The following DPYD variants were observed in gnomAD, a reference collection of about 807,000 sequenced individuals.
DPYD encodes the protein dihydropyrimidine dehydrogenase, also known as dihydropyrimidine dehydrogenase [NADP(+)].
Under a neutral mutation model 116.2 loss-of-function variants are expected in DPYD, and 109 were observed. The ratio of observed to expected loss-of-function variants is 0.94; its 90% CI spans 0.80 to 1.10. The LOEUF is 1.10. DPYD is among the 50% of genes least tolerant of loss of function. The pLI is 0.00. For missense variants in DPYD, 1,302 were observed against 1,254.5 expected (o/e 1.04, Z -0.57); for synonymous variants, 440 against 432.0 (o/e 1.02, Z -0.23).
chr1:97,515,990 C>T (rs1052596431), intron 12 of DPYD, 49 bp from the exon 13 acceptor site: 2 of 1,536,838 alleles, frequency 1.3e-6, no homozygotes, highest in African/African-American at 1.4e-5. Flanking sequence ...CTAAATTGTC[C>T]ATATAATATT....
At chr1:97,676,416 G>T (rs1660147875) in intron 8 of DPYD, among the ~76,000 whole-genome samples, 1 of 152,122 alleles carries the variant, frequency 6.6e-6, no homozygotes, top group African/African-American at 2.4e-5. Context: ...ACTTCTATTA[G>T]CATGAATGTG....
intron 18 of DPYD, among the ~76,000 whole-genome samples, chr1:97,294,137 CG>C (rs1350924770): frequency 7.2e-5 from 11 of 152,064 alleles, no homozygotes; most frequent in Non-Finnish European, 1.5e-4. Context: ...AGTCATCAAC[CG>C]AATGTGCTAA....
At chr1:97,450,982 G>A (rs1347970798) in intron 13 of DPYD, among the ~76,000 whole-genome samples, 4 of 151,996 alleles carry the variant, frequency 2.6e-5, no homozygotes, top group Non-Finnish European at 5.9e-5. Context: ...AACAAAGAAG[G>A]AAAATGTTTC....
At chr1:97,695,441 C>T (rs1048017962) in intron 6 of DPYD, among the ~76,000 whole-genome samples, 8 of 149,704 alleles carry the variant, frequency 5.3e-5, no homozygotes, top group African/African-American at 2.0e-4. Flanking sequence ...CATTTATCCT[C>T]ACTTAACATA....
chr1:97,477,831 A>G (rs1332625620), intron 13 of DPYD, among the ~76,000 whole-genome samples: 1 of 151,924 alleles, frequency 6.6e-6, no homozygotes, highest in African/African-American at 2.4e-5. Context: ...CTTGTTAGCC[A>G]GGATGGTCTC....
In DPYD at chr1:97,841,172, T is replaced by C. The variant is rs570920338; in HGVS notation, c.151-12976A>G. Among the ~76,000 whole-genome samples the C allele has an allele frequency of 5.3e-5, 8 of 152,164 alleles. No individual in the cohort carries two copies. The South Asian group carries it at 1.0e-3, about 20-fold the overall frequency. On this transcript the variant is annotated intron_variant, in intron 2 of 22. Transcript: ENST00000370192. ...CAAAATGCTGCAATGAAAATGAAAT[T>C]TGAAAATTGAATGAAGAGAGTTGAT...
intron 13 of DPYD, among the ~76,000 whole-genome samples, chr1:97,451,841 A>C (rs1326390686): frequency 2.6e-5 from 4 of 152,098 alleles, no homozygotes; most frequent in African/African-American, 7.2e-5. Flanking sequence ...CATACCCTTT[A>C]AACCTTGAGA....
intron 1 of DPYD, among the ~76,000 whole-genome samples, chr1:97,889,714 A>G (rs904302890): frequency 1.3e-5 from 2 of 152,036 alleles, no homozygotes; most frequent in Non-Finnish European, 2.9e-5. Context: ...CAGAAGACCA[A>G]AAAGGAAACA....
intron 14 of DPYD, among the ~76,000 whole-genome samples, chr1:97,421,777 T>TA: frequency 6.6e-6 from 1 of 152,166 alleles, no homozygotes; most frequent in Non-Finnish European, 1.5e-5. Flanking sequence ...CTGAGCATCT[T>TA]AAAGACTATT....
chr1:97,413,483 G>A (rs1674121294), intron 14 of DPYD, among the ~76,000 whole-genome samples: 1 of 152,008 alleles, frequency 6.6e-6, no homozygotes. Context: ...GTTTGTTTGT[G>A]GACTGGTTCT....
intron 3 of DPYD, among the ~76,000 whole-genome samples, chr1:97,776,580 C>T (rs1666418235): frequency 6.6e-6 from 1 of 152,106 alleles, no homozygotes; most frequent in South Asian, 2.1e-4. Flanking sequence ...TTTTTCTATG[C>T]TTTTCAACAT....
chr1:97,735,255 A>G (rs1164268497), intron 4 of DPYD, among the ~76,000 whole-genome samples: 3 of 152,172 alleles, frequency 2.0e-5, no homozygotes, highest in Non-Finnish European at 4.4e-5. Context: ...ATAAAAATTC[A>G]ATGAACATAC....
At chr1:97,485,827 C>T (rs1304779076) in intron 13 of DPYD, among the ~76,000 whole-genome samples, 1 of 152,134 alleles carries the variant, frequency 6.6e-6, no homozygotes, top group Admixed American at 6.5e-5. Flanking sequence ...TTAGTACACT[C>T]ACTTTCTGTC....
intron 3 of DPYD, among the ~76,000 whole-genome samples, chr1:97,751,388 G>A (rs1342356606): frequency 7.3e-6 from 1 of 137,366 alleles, no homozygotes; most frequent in African/African-American, 2.7e-5. Flanking sequence ...ATACATATAT[G>A]TGTGTATATA....
chr1:97,166,613 T>C (rs564190048), intron 20 of DPYD, among the ~76,000 whole-genome samples: 20 of 152,278 alleles, frequency 1.3e-4, no homozygotes, highest in Non-Finnish European at 2.8e-4. Context: ...AAAGCTTAGG[T>C]GTCATACAAA....
chr1:97,587,638 A>G (rs1379905757), intron 10 of DPYD, among the ~76,000 whole-genome samples: 1 of 152,008 alleles, frequency 6.6e-6, no homozygotes, highest in African/African-American at 2.4e-5. Flanking sequence ...CTCCTGGCTA[A>G]CATGGTGAAA....
intron 2 of DPYD, among the ~76,000 whole-genome samples, chr1:97,857,918 G>C (rs1023190922): frequency 6.6e-6 from 1 of 151,886 alleles, no homozygotes; most frequent in Non-Finnish European, 1.5e-5. Flanking sequence ...ACTAGGAAGA[G>C]ACTCAACTGG....
In DPYD at chr1:97,743,672, C is replaced by T. The variant is rs1032434317; in HGVS notation, c.234-3193G>A. ...AGAAATGCATGTCAGAATGTTATTACCTAAATTGCTTTAAATGATTGATAC... is the reference window on the plus strand; with the variant it reads ...AGAAATGCATGTCAGAATGTTATTATCTAAATTGCTTTAAATGATTGATAC... On this transcript the variant is annotated intron_variant, in intron 3 of 22. Transcript: ENST00000370192. Among the ~76,000 whole-genome samples the T allele has an allele frequency of 3.3e-5, 5 of 152,050 alleles. No homozygotes were observed. The East Asian group carries it at 9.6e-4, about 29-fold the overall frequency.
At chr1:97,485,195 T>C (rs1678550887) in intron 13 of DPYD, among the ~76,000 whole-genome samples, 1 of 152,080 alleles carries the variant, frequency 6.6e-6, no homozygotes, top group African/African-American at 2.4e-5. Context: ...TCTGACATAC[T>C]CTCGTTTGTT....
Sources: gnomAD v4.1 joint callset for allele counts (sites outside exome capture counted in the v4.1 genomes callset) on GRCh38, gnomAD v4.1.1 for gene constraint, MANE v1.5 for transcripts, NCBI Gene and HGNC (gene_info 2026-07-23, HGNC 2026-07-21) for gene names.